The following PCDHGB4 variants were observed in gnomAD, a reference collection of about 807,000 sequenced individuals.
The protein encoded by PCDHGB4 is protocadherin gamma-B4.
A neutral mutation model predicts 60.5 loss-of-function variants in PCDHGB4; 38 were observed. The ratio of observed to expected loss-of-function variants is 0.63; its 90% CI spans 0.48 to 0.82. The LOEUF (loss-of-function observed/expected upper bound fraction) is 0.82, where lower values mean the gene tolerates loss of function less well. Among genes scored for constraint, PCDHGB4 ranks in the 40% least tolerant of loss-of-function variants. The pLI, the probability that PCDHGB4 is intolerant of heterozygous loss-of-function variation, is 0.00. For synonymous variants in PCDHGB4, 456 were observed against 509.7 expected (o/e 0.89, Z 1.42); for missense variants, 1,109 against 1,209.6 (o/e 0.92, Z 1.23).
At chr5:141,507,786 G>A (rs536470814) in intron 3 of PCDHGB4, among the ~76,000 whole-genome samples, 3 of 152,292 alleles carry the variant, frequency 2.0e-5, no homozygotes, top group East Asian at 1.9e-4. Context: ...CCTGACCCTC[G>A]TCTAAGCCTG....
chr5:141,451,521 TAAAGG>T (rs1187561043), intron 1 of PCDHGB4, among the ~76,000 whole-genome samples: 1 of 152,148 alleles, frequency 6.6e-6, no homozygotes, highest in Non-Finnish European at 1.5e-5. Context: ...TTAGAGCAAG[TAAAGG>T]AGAGTGCCAG....
At position 141,389,480 on chromosome 5, in the gene PCDHGB4, C is replaced by G; in HGVS notation, c.1596C>G (p.Ala532=). Residue 532 remains alanine (A), a synonymous_variant, in exon 1 of 4, where the codon GCC becomes GCG. Coordinates refer to ENST00000519479, the MANE Select transcript of PCDHGB4 (RefSeq NM_003736.4). Reference sequence around the variant, plus strand: ...GCGCCTTCGAACTCACACTGCAGGCCCGCGACCAGGGCTCGCCAGCGCTCA... The same window carrying G: ...GCGCCTTCGAACTCACACTGCAGGCGCGCGACCAGGGCTCGCCAGCGCTCA... The part of the protein sequence containing the change: ...QLRAFELTLQ[A]RDQGSPALSA... The G allele has an allele frequency of 6.2e-7, 1 of 1,613,150 alleles. No individual in the cohort carries two copies. The highest frequency in any genetic ancestry group is 8.5e-7 in the Non-Finnish European group (1 of 1,179,782).
intron 1 of PCDHGB4, among the ~76,000 whole-genome samples, chr5:141,488,261 G>T (rs993627373): frequency 6.6e-6 from 1 of 152,148 alleles, no homozygotes; most frequent in Non-Finnish European, 1.5e-5. Flanking sequence ...GGTTGGGGCG[G>T]GTTGGTCATC....
intron 1 of PCDHGB4, among the ~76,000 whole-genome samples, chr5:141,480,272 G>T (rs903112862): frequency 7.2e-6 from 1 of 138,796 alleles, no homozygotes; most frequent in Non-Finnish European, 1.5e-5. Flanking sequence ...TTCATTAGCT[G>T]GGTGTGTTGG....
intron 1 of PCDHGB4, among the ~76,000 whole-genome samples, chr5:141,435,568 A>C (rs564789030): frequency 8.7e-4 from 132 of 152,274 alleles, no homozygotes; most frequent in Middle Eastern, 6.8e-3. Context: ...TTTTTTTAGT[A>C]CTGGGGCAAA....
At chr5:141,454,311 T>C (rs755771201) in intron 1 of PCDHGB4, among the ~76,000 whole-genome samples, 1 of 152,216 alleles carries the variant, frequency 6.6e-6, no homozygotes, top group Non-Finnish European at 1.5e-5. Context: ...TTTCAAAGCA[T>C]TGAAACCTCC....
At chr5:141,417,740 C>A (rs2096156298) in intron 1 of PCDHGB4, 3 of 1,413,210 alleles carry the variant, frequency 2.1e-6, no homozygotes, top group East Asian at 2.5e-5. Flanking sequence ...CCCAGCACAC[C>A]AGATTGCCAG....
At chr5:141,400,629 C>A (rs1416723451) in intron 1 of PCDHGB4, 1 of 1,389,786 alleles carries the variant, frequency 7.2e-7, no homozygotes, top group African/African-American at 1.4e-5. Context: ...TTAGGGAAGT[C>A]AGAGCTGCTC....
chr5:141,455,477 C>A (rs557286491), intron 1 of PCDHGB4, among the ~76,000 whole-genome samples: 15 of 152,252 alleles, frequency 9.9e-5, no homozygotes, highest in African/African-American at 2.9e-4. Flanking sequence ...TATGCAGAGG[C>A]TGGTGGAGGT....
chr5:141,433,228 C>G (rs2097577964), intron 1 of PCDHGB4: 7 of 1,522,184 alleles, frequency 4.6e-6, no homozygotes, highest in Non-Finnish European at 5.4e-6. Flanking sequence ...TTTAATTGCT[C>G]TGTCTCCCAA....
intron 1 of PCDHGB4, among the ~76,000 whole-genome samples, chr5:141,406,473 T>A (rs2094813817): frequency 6.6e-6 from 1 of 152,248 alleles, no homozygotes; most frequent in African/African-American, 2.4e-5. Context: ...CTCTTTGAGG[T>A]TATATTTTTC....
intron 1 of PCDHGB4, among the ~76,000 whole-genome samples, chr5:141,457,278 C>T (rs1446074161): frequency 6.6e-6 from 1 of 152,196 alleles, no homozygotes; most frequent in Non-Finnish European, 1.5e-5. Flanking sequence ...TGTGGGCCTA[C>T]GAAGTTCCTT....
rs1306500688 is a variant in PCDHGB4 at position 141,491,142 on chromosome 5, A to T, written c.2398-3665A>T. ...GTGAGGTGCGCACAGCCCGGGCCTTACTGGAGGATGACTCTGACACCCAGC... is the reference window on the plus strand; with the variant it reads ...GTGAGGTGCGCACAGCCCGGGCCTTTCTGGAGGATGACTCTGACACCCAGC... On this transcript the variant is annotated intron_variant, in intron 1 of 3. Coordinates refer to ENST00000519479, the MANE Select transcript of PCDHGB4 (RefSeq NM_003736.4). This position sits in a 1 kb window ranked among gnomAD's most constrained non-coding sequence, Gnocchi z 6.9. 6.2e-7 allele frequency: 1 copy of T among 1,614,090 alleles called. No homozygotes were observed. Among genetic ancestry groups the T allele is most frequent in the Non-Finnish European group, 8.5e-7 (1 of 1,179,976 alleles).
chr5:141,425,490 G>T (rs2096878933), intron 1 of PCDHGB4, among the ~76,000 whole-genome samples: 1 of 152,122 alleles, frequency 6.6e-6, no homozygotes, highest in Non-Finnish European at 1.5e-5. Context: ...AACCTACTAG[G>T]CTATACCTTT....
chr5:141,486,189 A>T lies in PCDHGB4; in HGVS notation c.2398-8618A>T, dbSNP rs761466492. 6.2e-7 allele frequency: 1 copy of T among 1,614,062 alleles called. No individual in the cohort carries two copies. Among genetic ancestry groups the T allele is most frequent in the Non-Finnish European group, 8.5e-7 (1 of 1,179,994 alleles). ...GAGCAACATTGCAGCCTTCGAGTGG[A>T]TCTGCTGGACGTAAATGACAATGCC... is the stretch of plus-strand genomic sequence containing the variant. On this transcript the variant is annotated intron_variant, in intron 1 of 3. Coordinates refer to ENST00000519479, the MANE Select transcript of PCDHGB4 (RefSeq NM_003736.4). The surrounding 1 kb of genome is among the most constrained non-coding windows in gnomAD (Gnocchi z 5.0).
intron 1 of PCDHGB4, chr5:141,398,307 G>A (rs1447377921): frequency 1.5e-6 from 2 of 1,359,764 alleles, no homozygotes; most frequent in South Asian, 1.3e-5. Flanking sequence ...GCGTCCAGGA[G>A]TTACCGACTC....
rs138463062 is a variant in PCDHGB4 at position 141,485,217 on chromosome 5, C to G, written c.2398-9590C>G. 6.8e-6 allele frequency: 11 copies of G among 1,613,996 alleles called. No individual in the cohort carries two copies. Among genetic ancestry groups the G allele is most frequent in the Non-Finnish European group, 9.3e-6 (11 of 1,179,978 alleles). ...AGCTGGACAGAAATCTGGCGGTGGGCTACCCTTTTGTTCCTCTTTTACCAC... is the reference window on the plus strand; with the variant it reads ...AGCTGGACAGAAATCTGGCGGTGGGGTACCCTTTTGTTCCTCTTTTACCAC... On this transcript the variant is annotated intron_variant, in intron 1 of 3. Coordinates refer to ENST00000519479, the MANE Select transcript of PCDHGB4 (RefSeq NM_003736.4). This position sits in a 1 kb window ranked among gnomAD's most constrained non-coding sequence, Gnocchi z 5.7.
In PCDHGB4 at chr5:141,485,632, G is replaced by A. The variant is rs1335265010; in HGVS notation, c.2398-9175G>A. On this transcript the variant is annotated intron_variant, in intron 1 of 3. Transcript: ENST00000519479. This position sits in a 1 kb window ranked among gnomAD's most constrained non-coding sequence, Gnocchi z 5.7. ...CAGCTCCTCCAGGACAGCGTTTCCCGTTGGAAAAGGCTCAGGATGCAGATG... is the reference window on the plus strand; with the variant it reads ...CAGCTCCTCCAGGACAGCGTTTCCCATTGGAAAAGGCTCAGGATGCAGATG... 1.2e-6 allele frequency: 2 copies of A among 1,611,766 alleles called. No homozygotes were observed. The highest frequency in any genetic ancestry group is 1.7e-6 in the Non-Finnish European group (2 of 1,178,342).
chr5:141,413,111 AG>A lies in PCDHGB4; in HGVS notation c.2397+22832del, dbSNP rs962952666. ...ACACCCTGAAGCCACAGAAAGACAA[AG>A]GAACCGGTTGAAACACACAACGTGT... On this transcript the variant is annotated intron_variant, in intron 1 of 3. Transcript: ENST00000519479. 4.7e-6 allele frequency: 7 copies of A among 1,499,852 alleles called. No individual in the cohort carries two copies. In the African/African-American group the frequency reaches 8.4e-5, roughly 18 times the overall value. 92.9% of individuals were successfully genotyped at this position (1,499,852 alleles called of 1,614,324 possible). A position where few individuals can be genotyped will look rare whatever the true frequency, so the allele number is the denominator to read the frequency against.
Sources: gnomAD v4.1 joint callset for allele counts (sites outside exome capture counted in the v4.1 genomes callset) on GRCh38, gnomAD v4.1.1 for gene constraint, Gnocchi (gnomAD v3.1) non-coding constraint, MANE v1.5 for transcripts, NCBI Gene and HGNC (gene_info 2026-07-23, HGNC 2026-07-21) for gene names.